Variants in RNF217 observed in about 807,000 individuals in gnomAD.
RNF217 encodes the protein ring finger protein 217.
A neutral mutation model predicts 57.8 loss-of-function variants in RNF217; 31 were observed. The ratio of observed to expected loss-of-function variants is 0.54; its 90% CI spans 0.40 to 0.72. The LOEUF (loss-of-function observed/expected upper bound fraction) is 0.72. Among genes scored for constraint, RNF217 ranks in the 30% least tolerant of loss-of-function variants. The pLI is 0.00. For missense variants in RNF217, 696 were observed against 708.3 expected (o/e 0.98, Z 0.20); for synonymous variants, 313 against 294.0 (o/e 1.06, Z -0.66).
intron 1 of RNF217, among the ~76,000 whole-genome samples, chr6:125,013,043 A>C (rs1278090880): frequency 6.6e-6 from 1 of 152,192 alleles, no homozygotes. Context: ...CATAAGAAGA[A>C]AAGAATTGAA....
chr6:125,040,576 G>A (rs745908461), intron 1 of RNF217, among the ~76,000 whole-genome samples: 2 of 152,010 alleles, frequency 1.3e-5, no homozygotes, highest in Admixed American at 1.3e-4. Flanking sequence ...GGACTCCTCC[G>A]TAACTCATTT....
At chr6:125,034,535 G>A (rs1239500863) in intron 1 of RNF217, among the ~76,000 whole-genome samples, 1 of 152,040 alleles carries the variant, frequency 6.6e-6, no homozygotes, top group Non-Finnish European at 1.5e-5. Flanking sequence ...TGAGGGCTCT[G>A]TTCTGTTCCA....
intron 1 of RNF217, among the ~76,000 whole-genome samples, chr6:125,021,197 T>A: frequency 6.6e-6 from 1 of 152,148 alleles, no homozygotes; most frequent in South Asian, 2.1e-4. Flanking sequence ...TTAACTGTGG[T>A]TCCTCTACTC....
At chr6:125,014,964 G>A (rs1179367567) in intron 1 of RNF217, among the ~76,000 whole-genome samples, 1 of 152,054 alleles carries the variant, frequency 6.6e-6, no homozygotes, top group East Asian at 1.9e-4. Context: ...ACACTGAGAT[G>A]CACTGGTCCT....
At chr6:125,035,232 A>G (rs1334053654) in intron 1 of RNF217, among the ~76,000 whole-genome samples, 2 of 151,932 alleles carry the variant, frequency 1.3e-5, no homozygotes, top group Non-Finnish European at 2.9e-5. Context: ...TTCCAACACT[A>G]TGTTGAATAG....
intron 3 of RNF217, among the ~76,000 whole-genome samples, chr6:125,067,709 G>T (rs574151013): frequency 9.2e-5 from 14 of 152,252 alleles, no homozygotes; most frequent in African/African-American, 3.1e-4. Flanking sequence ...AGGGATATAG[G>T]TATATCTGAC....
rs1031053517 is a variant in RNF217, at chr6:125,085,906, C to T, written c.*2969C>T. The stretch of plus-strand genomic sequence containing the variant: ...ATATTAATAGATACCTTTCCATAAG[C>T]GTTTAAATAGATTTACCTCATTCTT... On this transcript the variant is annotated 3_prime_UTR_variant, in exon 6 of 6. Transcript: ENST00000521654. The T allele has an allele frequency of 1.1e-4, 16 of 151,864 alleles. No homozygotes were observed. The highest frequency in any genetic ancestry group is 4.6e-4 in the Admixed American group (7 of 15,224). The allele number at this position is 151,864 out of a possible 1,614,324, so 9.4% of individuals were successfully genotyped here.
At chr6:125,053,453 G>GC (rs1003058382) in intron 2 of RNF217, among the ~76,000 whole-genome samples, 61 of 152,180 alleles carry the variant, frequency 4.0e-4, no homozygotes, top group African/African-American at 1.5e-3. Context: ...AACTGAATCA[G>GC]CTCTTATATT....
chr6:125,072,962 G>C (rs1788206647), intron 3 of RNF217, among the ~76,000 whole-genome samples: 1 of 152,172 alleles, frequency 6.6e-6, no homozygotes, highest in Non-Finnish European at 1.5e-5. Context: ...CAGTTATAAG[G>C]CTTAAAAGTG....
At chr6:124,966,098 G>A (rs1211835839) in intron 1 of RNF217, among the ~76,000 whole-genome samples, 1 of 152,120 alleles carries the variant, frequency 6.6e-6, no homozygotes, top group African/African-American at 2.4e-5. Flanking sequence ...GCTTAAAGCG[G>A]ACAAAAGTAA....
At chr6:125,044,920 A>G (rs1014384515) in intron 1 of RNF217, among the ~76,000 whole-genome samples, 1 of 152,078 alleles carries the variant, frequency 6.6e-6, no homozygotes, top group Non-Finnish European at 1.5e-5. Flanking sequence ...ACATGAGATG[A>G]TAATTTGCTT....
chr6:125,001,332 G>A (rs1382477317), intron 1 of RNF217, among the ~76,000 whole-genome samples: 1 of 152,122 alleles, frequency 6.6e-6, no homozygotes, highest in Admixed American at 6.5e-5. Flanking sequence ...TAGAGGCTAT[G>A]CTTTTGAGGT....
chr6:125,035,826 G>T (rs1786589004), intron 1 of RNF217, among the ~76,000 whole-genome samples: 1 of 150,798 alleles, frequency 6.6e-6, no homozygotes. Context: ...TAAAAGTCAA[G>T]ACTTATTTGT....
rs568337017 is a variant in RNF217, at chr6:125,041,825, C to T, written c.883-3386C>T. ...CTCTTATCTTTCCAGAAGTCCATCA[C>T]ACTACCTAGCCCATAAAAACCACAT... On this transcript the variant is annotated intron_variant, in intron 1 of 5. Coordinates refer to ENST00000521654, the MANE Select transcript of RNF217 (RefSeq NM_001286398.3). Among the ~76,000 whole-genome samples the T allele has an allele frequency of 2.2e-4, 33 of 152,108 alleles. No homozygotes were observed. The South Asian group carries it at 2.9e-3, about 13-fold the overall frequency.
At chr6:124,991,832 G>A (rs1784572861) in intron 1 of RNF217, among the ~76,000 whole-genome samples, 1 of 152,166 alleles carries the variant, frequency 6.6e-6, no homozygotes, top group Non-Finnish European at 1.5e-5. Context: ...CTCAGTCCTA[G>A]TAGCAACTTT....
At chr6:125,077,320 A>T (rs931050572) in intron 4 of RNF217, among the ~76,000 whole-genome samples, 1 of 152,174 alleles carries the variant, frequency 6.6e-6, no homozygotes. Flanking sequence ...GAGTTCCATT[A>T]TGTCTATATA....
chr6:125,031,041 C>T (rs555991143), intron 1 of RNF217, among the ~76,000 whole-genome samples: 1 of 152,360 alleles, frequency 6.6e-6, no homozygotes, highest in African/African-American at 2.4e-5. Flanking sequence ...CGCGGAACAC[C>T]ACATGGAAGC....
At chr6:124,978,587 C>T (rs1458091821) in intron 1 of RNF217, among the ~76,000 whole-genome samples, 1 of 152,060 alleles carries the variant, frequency 6.6e-6, no homozygotes, top group Non-Finnish European at 1.5e-5. Flanking sequence ...TGAGTGGGAA[C>T]GTGTTACAGC....
intron 3 of RNF217, among the ~76,000 whole-genome samples, chr6:125,068,622 A>T (rs1439982695): frequency 6.6e-6 from 1 of 152,200 alleles, no homozygotes; most frequent in East Asian, 1.9e-4. Context: ...GGCATAGCTT[A>T]TGCATATATA....
Sources: gnomAD v4.1 joint callset for allele counts (sites outside exome capture counted in the v4.1 genomes callset) on GRCh38, gnomAD v4.1.1 for gene constraint, MANE v1.5 for transcripts, NCBI Gene and HGNC (gene_info 2026-07-23, HGNC 2026-07-21) for gene names.